UVSSA: variants seen among roughly 807,000 people sequenced by gnomAD.
UVSSA encodes UV stimulated scaffold protein A, also known as UV-stimulated scaffold protein A.
In UVSSA, 72 loss-of-function variants were observed where a neutral mutation model predicts 73.9. The ratio of observed to expected loss-of-function variants is 0.97; its 90% confidence interval spans 0.81 to 1.19. UVSSA has a LOEUF of 1.19. Among genes scored for constraint, UVSSA ranks in the 50% most tolerant of loss-of-function variants. The probability of loss-of-function intolerance (pLI) is 0.00; values close to 1 mark genes in which losing one functional copy is unlikely to be tolerated. For synonymous variants in UVSSA, 454 were observed against 391.3 expected (o/e 1.16, Z -1.89); for missense variants, 1,150 against 965.0 (o/e 1.19, Z -2.54).
rs555500665 is a variant in UVSSA, at chr4:1,354,676, G to T, written c.935-59G>T. 1.1e-5 allele frequency: 16 copies of T among 1,501,878 alleles called. No individual in the cohort carries two copies. The Admixed American group carries it at 2.5e-4, about 24-fold the overall frequency. The allele number at this position is 1,501,878 out of a possible 1,614,324, so 93.0% of individuals were successfully genotyped here. The stretch of plus-strand genomic sequence containing the variant: ...CCTTCCTTGCATGGTCTGCCTCTCC[G>T]GGGCCTGTGGGAGACGCCAGTCGGC... On this transcript the variant is annotated intron_variant, in intron 5 of 13. Coordinates refer to ENST00000389851, the MANE Select transcript of UVSSA (RefSeq NM_020894.4).
rs774846460 is a variant in UVSSA, at chr4:1,353,423, T to G, written c.934+10T>G. On this transcript the variant is annotated intron_variant, in intron 5 of 13. Transcript: ENST00000389851. ...GTGGAGCTCTGCTCAGGTAACTGCC[T>G]TCGCGGGGTCTCTGTGGCGCCACCC... 2.7e-6 allele frequency: 4 copies of G among 1,480,586 alleles called. No homozygotes were observed. The highest frequency in any genetic ancestry group is 2.7e-6 in the Non-Finnish European group (3 of 1,111,504). The allele number at this position is 1,480,586 out of a possible 1,614,324, so 91.7% of individuals were successfully genotyped here.
intron 3 of UVSSA, among the ~76,000 whole-genome samples, chr4:1,351,277 G>T (rs1272590481): frequency 4.6e-5 from 7 of 152,014 alleles, no homozygotes; most frequent in Non-Finnish European, 2.9e-5. Flanking sequence ...TGTTAGCCAG[G>T]ATGGTCTCAA....
chr4:1,379,953 G>A, intron 10 of UVSSA, 94 bp from the exon 11 acceptor site: 1 of 1,423,942 alleles, frequency 7.0e-7, no homozygotes, highest in Non-Finnish European at 9.5e-7. Flanking sequence ...CTGGGCTGCA[G>A]TGGTGTTTGG....
At chr4:1,383,573 C>G (rs1279520697) in intron 12 of UVSSA, among the ~76,000 whole-genome samples, 193 bp from the exon 13 acceptor site, 1 of 152,146 alleles carries the variant, frequency 6.6e-6, no homozygotes, top group Non-Finnish European at 1.5e-5. Flanking sequence ...CATGCCCACC[C>G]TCCCCAGCCT....
intron 12 of UVSSA, among the ~76,000 whole-genome samples, chr4:1,382,635 C>T (rs111669998): frequency 1.3e-4 from 20 of 152,348 alleles, no homozygotes; most frequent in African/African-American, 4.1e-4. Context: ...TAAACTGTGG[C>T]GCCTTCTTAT....
At chr4:1,363,227 C>T (rs1039952963) in intron 7 of UVSSA, among the ~76,000 whole-genome samples, 3 of 152,104 alleles carry the variant, frequency 2.0e-5, no homozygotes, top group Non-Finnish European at 4.4e-5. Context: ...GAGCCACCCA[C>T]GGACCTGGCC....
In UVSSA at chr4:1,348,135, C is replaced by T. The variant is rs1002165863; in HGVS notation, c.44C>T (p.Ser15Leu). ...AAGTTGGTAGAAGAGCTCACAACTT[C>T]AGGAGAACCCCGACTAAATCCTGAG... ...LSKLVEELTT[S>L]GEPRLNPEKM... is the part of the protein sequence containing the mutation. The change falls in exon 2 of 14, where the codon TCA becomes TTA. Residue 15 changes from serine to leucine, a missense_variant. Ser to Leu is a moderately radical substitution (Grantham distance 145). Coordinates refer to ENST00000389851, the MANE Select transcript of UVSSA (RefSeq NM_020894.4). The T allele has an allele frequency of 1.9e-6, 3 of 1,613,886 alleles. No individual in the cohort carries two copies. The highest frequency in any genetic ancestry group is 2.5e-6 in the Non-Finnish European group (3 of 1,179,992).
At chr4:1,351,215 C>T (rs951872274) in intron 3 of UVSSA, among the ~76,000 whole-genome samples, 8 of 147,602 alleles carry the variant, frequency 5.4e-5, no homozygotes, top group Admixed American at 1.4e-4. Context: ...ACAAGCACCC[C>T]CCACCACGCC....
chr4:1,395,275 G>C lies in UVSSA; in HGVS notation c.*9314G>C, dbSNP rs148588369. On this transcript the variant is annotated 3_prime_UTR_variant, in exon 14 of 14. Transcript: ENST00000511216. ...TGGAGTGCCCGCCTGCTCACGTGCCGATGTGGAGTGCCCGCCTGCTCACAC... is the reference window on the plus strand; with the variant it reads ...TGGAGTGCCCGCCTGCTCACGTGCCCATGTGGAGTGCCCGCCTGCTCACAC... 2.7e-3 allele frequency: 3,886 copies of C among 1,427,628 alleles called. 194 individuals carry two copies. In the African/African-American group the frequency reaches 0.032, roughly 12 times the overall value. 88.4% of individuals were successfully genotyped at this position (1,427,628 alleles called of 1,614,324 possible).
chr4:1,381,152 G>A (rs1719450257), intron 12 of UVSSA, among the ~76,000 whole-genome samples, 164 bp downstream of exon 12: 1 of 152,202 alleles, frequency 6.6e-6, no homozygotes, highest in Non-Finnish European at 1.5e-5. Context: ...AGGGGATGCT[G>A]CCCTGAGGGT....
intron 8 of UVSSA, among the ~76,000 whole-genome samples, chr4:1,370,176 C>T (rs1403533235): frequency 6.6e-6 from 1 of 151,954 alleles, no homozygotes; most frequent in Non-Finnish European, 1.5e-5. Flanking sequence ...TAGGAATTCT[C>T]AGATTGATCT....
upstream of UVSSA, among the ~76,000 whole-genome samples, chr4:1,344,529 C>T (rs933496542): frequency 3.3e-5 from 5 of 152,188 alleles, no homozygotes; most frequent in East Asian, 1.9e-4. Context: ...CCAGCCTGGG[C>T]GACAGAGCAA....
At chr4:1,364,302 CATT>C in intron 7 of UVSSA, among the ~76,000 whole-genome samples, 1 of 140,564 alleles carries the variant, frequency 7.1e-6, no homozygotes, top group Non-Finnish European at 1.6e-5. Flanking sequence ...GGCCCCGTGG[CATT>C]GTGTGGCCTG....
At position 1,395,259 on chromosome 4, in the gene UVSSA, C is replaced by T. The variant is rs747763773; in HGVS notation, c.*9298C>T. On this transcript the variant is annotated 3_prime_UTR_variant, in exon 14 of 14. Transcript: ENST00000511216. ...CTCACACGTGCCCATGTGGAGTGCCCGCCTGCTCACGTGCCGATGTGGAGT... is the reference window on the plus strand; with the variant it reads ...CTCACACGTGCCCATGTGGAGTGCCTGCCTGCTCACGTGCCGATGTGGAGT... 3.8e-5 allele frequency: 60 copies of T among 1,566,834 alleles called. 3 individuals carry two copies. In the African/African-American group the frequency reaches 4.0e-4, roughly 10 times the overall value.
chr4:1,378,264 G>A (rs1049558682), intron 10 of UVSSA, among the ~76,000 whole-genome samples: 6 of 152,164 alleles, frequency 3.9e-5, no homozygotes, highest in African/African-American at 1.4e-4. Flanking sequence ...GAGGGCTGGC[G>A]GGCCCTGGCT....
At position 1,360,384 on chromosome 4, in the gene UVSSA, G is replaced by A. The variant is rs114433110; in HGVS notation, c.1176+5139G>A. 2.2e-4 allele frequency among the ~76,000 whole-genome samples: 32 copies of A among 147,470 alleles called. 1 individual carries two copies. In the East Asian group the frequency reaches 5.5e-3, roughly 25 times the overall value. ...CAAGCCCAGCGCTCCTTGAAACACCGCCCCATGCTGTTACCCCTTTCGTTT... is the reference window on the plus strand; with the variant it reads ...CAAGCCCAGCGCTCCTTGAAACACCACCCCATGCTGTTACCCCTTTCGTTT... On this transcript the variant is annotated intron_variant, in intron 7 of 13. Transcript: ENST00000389851.
chr4:1,371,703 G>T (rs900365007), intron 8 of UVSSA, among the ~76,000 whole-genome samples: 3 of 152,190 alleles, frequency 2.0e-5, no homozygotes, highest in Non-Finnish European at 4.4e-5. Context: ...ACAGCCGTCA[G>T]ATCTCGTGAG....
chr4:1,379,041 T>G (rs1236325397), intron 10 of UVSSA, among the ~76,000 whole-genome samples: 1 of 150,818 alleles, frequency 6.6e-6, no homozygotes, highest in Non-Finnish European at 1.5e-5. Flanking sequence ...GGGCCGTGCC[T>G]GGGGCTGTGC....
intron 2 of UVSSA, among the ~76,000 whole-genome samples, chr4:1,348,807 C>A (rs890631157): frequency 3.9e-5 from 6 of 152,214 alleles, no homozygotes; most frequent in African/African-American, 1.4e-4. Flanking sequence ...TTGTGGCCTG[C>A]GCCAGGAAAT....
Sources: gnomAD v4.1 joint callset for allele counts (sites outside exome capture counted in the v4.1 genomes callset) on GRCh38, gnomAD v4.1.1 for gene constraint, MANE v1.5 for transcripts, NCBI Gene and HGNC (gene_info 2026-07-23, HGNC 2026-07-21) for gene names.